The following SIPA1L1 variants were observed in gnomAD, a reference collection of about 807,000 sequenced individuals.
SIPA1L1 encodes the protein signal induced proliferation associated 1 like 1, also known as signal-induced proliferation-associated 1-like protein 1.
Under a neutral mutation model 162.7 loss-of-function variants are expected in SIPA1L1, and 26 were observed. The observed-to-expected ratio is 0.16, with a 90% CI of 0.12 to 0.22. The LOEUF is 0.22. Among genes scored for constraint, SIPA1L1 ranks in the 10% least tolerant of loss-of-function variants. The pLI is 1.00. For missense variants in SIPA1L1, 1,874 were observed against 2,241.0 expected, an observed-to-expected ratio of 0.84 and a Z score of 3.31; for synonymous variants, 829 against 837.4, an observed-to-expected ratio of 0.99 and a Z score of 0.17.
intron 3 of SIPA1L1, among the ~76,000 whole-genome samples, chr14:71,515,087 C>T (rs375243980): frequency 8.2e-4 from 125 of 152,312 alleles, no homozygotes; most frequent in African/African-American, 2.9e-3. Context: ...GAGCCTCTTT[C>T]CTTCATGCTT....
At chr14:71,341,114 T>C (rs1458178788) in intron 2 of SIPA1L1, among the ~76,000 whole-genome samples, 8 of 152,240 alleles carry the variant, frequency 5.3e-5, no homozygotes, top group African/African-American at 1.2e-4. Flanking sequence ...ACTTCCACAG[T>C]GGGCTGACAC....
intron 2 of SIPA1L1, among the ~76,000 whole-genome samples, chr14:71,393,384 T>C (rs2040922312): frequency 6.6e-6 from 1 of 152,200 alleles, no homozygotes. Context: ...TGTTCCAAAT[T>C]AAATTGGGTG....
intron 2 of SIPA1L1, among the ~76,000 whole-genome samples, chr14:71,417,500 A>AAAAAAC (rs1566996062): frequency 4.1e-5 from 6 of 146,410 alleles, no homozygotes; most frequent in African/African-American, 1.5e-4. Context: ...AAAAAAAAAA[A>AAAAAAC]AAAGAAAATC....
At chr14:71,708,580 C>T (rs905498375) in intron 16 of SIPA1L1, among the ~76,000 whole-genome samples, 1 of 152,186 alleles carries the variant, frequency 6.6e-6, no homozygotes, top group Non-Finnish European at 1.5e-5. Context: ...CTGCCTTGGC[C>T]TCCCAAAGTG....
intron 2 of SIPA1L1, among the ~76,000 whole-genome samples, chr14:71,371,888 A>G (rs149392041): frequency 1.1e-3 from 161 of 152,310 alleles, no homozygotes; most frequent in East Asian, 9.4e-3. Flanking sequence ...AAAATAAAAC[A>G]GTTCTAAGTG....
At chr14:71,544,258 ACATGATATGTG>A in intron 4 of SIPA1L1, among the ~76,000 whole-genome samples, 1 of 107,026 alleles carries the variant, frequency 9.3e-6, no homozygotes, top group Non-Finnish European at 2.5e-5. Flanking sequence ...ATGTATATAC[ACATGATATGTG>A]TATATACATA....
Position 71,542,416 on chromosome 14 carries a change from T to G in SIPA1L1, c.-303+13046T>G, listed in dbSNP as rs1044202572. On this transcript the variant is annotated intron_variant, in intron 4 of 23. Transcript: ENST00000381232. ...TCCTGCTGCTGCTGCTGCTTCTGCT[T>G]CTTCTTCCTGCTGCTGCTGCTGCTT... Among the ~76,000 whole-genome samples the G allele has an allele frequency of 2.5e-4, 37 of 148,722 alleles. No homozygotes were observed. In the East Asian group the frequency reaches 5.9e-3, roughly 24 times the overall value.
At chr14:71,457,559 A>G (rs926794826) in intron 2 of SIPA1L1, among the ~76,000 whole-genome samples, 33 of 151,668 alleles carry the variant, frequency 2.2e-4, no homozygotes, top group Non-Finnish European at 4.1e-4. Flanking sequence ...GGCCTCCCAA[A>G]GTGCTGGGAT....
In SIPA1L1 at chr14:71,587,801, G is replaced by T; in HGVS notation, c.-72G>T. 1 of 1,379,324 alleles carries T rather than the reference G, an allele frequency of 7.2e-7. No individual in the cohort carries two copies. Among genetic ancestry groups the T allele is most frequent in the Non-Finnish European group, 9.9e-7 (1 of 1,009,726 alleles). 85.4% of individuals were successfully genotyped at this position (1,379,324 alleles called of 1,614,324 possible). ...ATTTTCTGGAAGCCATTCTCCAAAA[G>T]GGAAGTGCACATTTAAAACACAGAT... On this transcript the variant is annotated 5_prime_UTR_variant, in exon 5 of 24. In the 5' UTR this introduces an upstream ATG that the reference lacks. Transcript: ENST00000381232.
At chr14:71,472,542 A>G (rs1019658027) in intron 2 of SIPA1L1, among the ~76,000 whole-genome samples, 25 of 152,156 alleles carry the variant, frequency 1.6e-4, no homozygotes, top group African/African-American at 5.5e-4. Context: ...AGTTGTCATG[A>G]TGCTTTTTTG....
At chr14:71,446,683 C>T (rs778626813) in intron 2 of SIPA1L1, among the ~76,000 whole-genome samples, 28 of 151,840 alleles carry the variant, frequency 1.8e-4, no homozygotes, top group Non-Finnish European at 3.8e-4. Flanking sequence ...TATATAAATG[C>T]TTGATTGTTT....
chr14:71,591,826 A>AT (rs1381711787), intron 5 of SIPA1L1, among the ~76,000 whole-genome samples: 1 of 152,056 alleles, frequency 6.6e-6, no homozygotes, highest in Non-Finnish European at 1.5e-5. Flanking sequence ...GATTTCATAA[A>AT]TTTTTTCTCA....
At chr14:71,501,537 T>C (rs2050215470) in intron 2 of SIPA1L1, among the ~76,000 whole-genome samples, 1 of 152,124 alleles carries the variant, frequency 6.6e-6, no homozygotes, top group Non-Finnish European at 1.5e-5. Flanking sequence ...AACTAATCTG[T>C]GGTGCTGGAA....
At chr14:71,418,769 C>T (rs2042971311) in intron 2 of SIPA1L1, among the ~76,000 whole-genome samples, 2 of 152,108 alleles carry the variant, frequency 1.3e-5, no homozygotes, top group African/African-American at 4.8e-5. Context: ...TATTTAAGTG[C>T]CTTTCCCCAA....
intron 4 of SIPA1L1, among the ~76,000 whole-genome samples, chr14:71,546,683 T>C (rs920950521): frequency 6.6e-6 from 1 of 152,202 alleles, no homozygotes; most frequent in Middle Eastern, 3.2e-3. Flanking sequence ...TGAATTCTTA[T>C]TTATCAAATA....
intron 7 of SIPA1L1, among the ~76,000 whole-genome samples, chr14:71,642,247 G>A (rs1037357012): frequency 6.6e-6 from 1 of 152,200 alleles, no homozygotes; most frequent in Non-Finnish European, 1.5e-5. Context: ...TGCCTGAAGA[G>A]AGTTTCCAGG....
chr14:71,576,593 C>T (rs1484521317), intron 4 of SIPA1L1: 1 of 152,154 alleles, frequency 6.6e-6, no homozygotes, highest in African/African-American at 2.4e-5. Flanking sequence ...ACAAGGTATT[C>T]TTTATAATTT....
chr14:71,691,749 C>T (rs2081271750), intron 13 of SIPA1L1, among the ~76,000 whole-genome samples: 2 of 152,162 alleles, frequency 1.3e-5, no homozygotes, highest in South Asian at 4.1e-4. Flanking sequence ...ACCTTCCACT[C>T]CTTCTTTTGA....
rs981116965 is a variant in SIPA1L1, at chr14:71,554,657, T to G, written c.-303+25287T>G. Among the ~76,000 whole-genome samples, 14 of 152,224 alleles carry G rather than the reference T, an allele frequency of 9.2e-5. 1 individual carries two copies. Among genetic ancestry groups the G allele is most frequent in the Admixed American group, 9.2e-4 (14 of 15,272 alleles). On this transcript the variant is annotated intron_variant, in intron 4 of 23. Transcript: ENST00000381232. ...TCACAAATTACAACATCCTGTGATT[T>G]GATTCTTCATAAAATTTTTTGGTGA...
Sources: gnomAD v4.1 joint callset for allele counts (sites outside exome capture counted in the v4.1 genomes callset) on GRCh38, gnomAD v4.1.1 for gene constraint, MANE v1.5 for transcripts, NCBI Gene and HGNC (gene_info 2026-07-23, HGNC 2026-07-21) for gene names.